Variants in CDK14 observed in about 807,000 individuals in gnomAD.
The protein encoded by CDK14 is cyclin-dependent kinase 14.
In CDK14, 34 loss-of-function variants were observed where a neutral mutation model predicts 60.7. The observed-to-expected ratio is 0.56, with a 90% CI of 0.43 to 0.75. The LOEUF (loss-of-function observed/expected upper bound fraction) is 0.75, where lower values mean the gene tolerates loss of function less well. CDK14 is among the 30% of genes least tolerant of loss of function. CDK14 has a pLI of 0.00. For synonymous variants in CDK14, 197 were observed against 203.7 expected, an observed-to-expected ratio of 0.97 and a Z score of 0.28; for missense variants, 482 against 564.1, an observed-to-expected ratio of 0.85 and a Z score of 1.47.
chr7:91,175,704 G>A (rs1801719538), intron 14 of CDK14, among the ~76,000 whole-genome samples: 1 of 150,252 alleles, frequency 6.7e-6, no homozygotes, highest in Non-Finnish European at 1.5e-5. Flanking sequence ...GATCAAAAGA[G>A]ACAAAGAAGG....
intron 8 of CDK14, among the ~76,000 whole-genome samples, chr7:90,948,539 C>G: frequency 6.6e-6 from 1 of 152,190 alleles, no homozygotes; most frequent in Non-Finnish European, 1.5e-5. Flanking sequence ...TAGTCTGTCC[C>G]AGGAGTCAGC....
chr7:91,118,408 T>C lies in CDK14; in HGVS notation c.*28+200T>C, dbSNP rs1396316753. 3.3e-5 allele frequency among the ~76,000 whole-genome samples: 5 copies of C among 152,310 alleles called. No individual in the cohort carries two copies. The East Asian group carries it at 9.7e-4, about 29-fold the overall frequency. On this transcript the variant is annotated intron_variant, in intron 14 of 14. Transcript: ENST00000380050. ...GGCACCTACTAGATTCTAACTAAAA[T>C]TATACTTATGCTTTTATTTATGTAG...
chr7:90,927,681 A>G (rs1272317727), intron 8 of CDK14, among the ~76,000 whole-genome samples: 3 of 152,140 alleles, frequency 2.0e-5, no homozygotes, highest in African/African-American at 4.8e-5. Flanking sequence ...GAATCTGACA[A>G]TTACGTGTCT....
rs554740961 is a variant in CDK14, at chr7:91,179,306, A to G, written c.*29-27859A>G. ...ACTCATAGGTGGGAATTGAACAATG[A>G]GATCACATGGACACAGGAAGGGGAA... On this transcript the variant is annotated intron_variant, in intron 14 of 14. Transcript: ENST00000380050. Among the ~76,000 whole-genome samples the G allele has an allele frequency of 5.2e-3, 712 of 137,300 alleles. 6 individuals carry two copies. Among genetic ancestry groups the G allele is most frequent in the Middle Eastern group, 0.019 (5 of 258 alleles). 90.1% of individuals were successfully genotyped at this position (137,300 alleles called of 152,430 possible). A position where few individuals can be genotyped will look rare whatever the true frequency, so the allele number is the denominator to read the frequency against.
intron 5 of CDK14, among the ~76,000 whole-genome samples, chr7:90,850,029 G>A (rs1790596080): frequency 1.3e-5 from 2 of 151,942 alleles, no homozygotes; most frequent in South Asian, 2.1e-4. Context: ...TTTAGTTATA[G>A]CATTAATATA....
chr7:90,740,710 C>T (rs1409129974), intron 3 of CDK14, among the ~76,000 whole-genome samples: 1 of 152,184 alleles, frequency 6.6e-6, no homozygotes, highest in Admixed American at 6.5e-5. Context: ...GCAATCCATA[C>T]ATATGTATAA....
At chr7:91,151,844 C>G (rs1167010457) in intron 14 of CDK14, among the ~76,000 whole-genome samples, 1 of 152,094 alleles carries the variant, frequency 6.6e-6, no homozygotes, top group African/African-American at 2.4e-5. Context: ...GTTTTGCCCA[C>G]CTATGATGTA....
At chr7:91,085,611 A>G (rs1798618308) in intron 12 of CDK14, among the ~76,000 whole-genome samples, 1 of 152,122 alleles carries the variant, frequency 6.6e-6, no homozygotes, top group South Asian at 2.1e-4. Flanking sequence ...GCTTATCAGA[A>G]GTGGGTACTA....
At chr7:91,057,905 A>C (rs1463176689) in intron 11 of CDK14, among the ~76,000 whole-genome samples, 1 of 152,074 alleles carries the variant, frequency 6.6e-6, no homozygotes, top group South Asian at 2.1e-4. Context: ...TTTTGGTTCC[A>C]TATGAACTTT....
At chr7:91,069,852 G>A (rs529466827) in intron 11 of CDK14, among the ~76,000 whole-genome samples, 4 of 151,996 alleles carry the variant, frequency 2.6e-5, no homozygotes, top group Non-Finnish European at 4.4e-5. Flanking sequence ...GCTGGAGTAC[G>A]GTGGCACAAT....
intron 2 of CDK14, among the ~76,000 whole-genome samples, chr7:90,609,878 G>C (rs1199567816): frequency 5.3e-5 from 8 of 152,308 alleles, no homozygotes; most frequent in Admixed American, 5.2e-4. Flanking sequence ...GGCTGTCTCA[G>C]TGTCCATATG....
At chr7:90,716,411 G>A (rs1021959153) in intron 2 of CDK14, 1 of 152,048 alleles carries the variant, frequency 6.6e-6, no homozygotes, top group African/African-American at 2.4e-5. Context: ...AGTAAGCAAA[G>A]CAAGATTCTG....
intron 11 of CDK14, among the ~76,000 whole-genome samples, chr7:91,065,062 A>G (rs968256414): frequency 6.6e-6 from 1 of 152,226 alleles, no homozygotes; most frequent in Non-Finnish European, 1.5e-5. Context: ...ATCACAAGCA[A>G]TAATGTTTAA....
intron 2 of CDK14, among the ~76,000 whole-genome samples, chr7:90,662,774 A>G (rs900789477): frequency 6.6e-6 from 1 of 152,210 alleles, no homozygotes; most frequent in Admixed American, 6.5e-5. Context: ...AAATATTTGT[A>G]GAAAGGTTTC....
At chr7:90,857,229 C>A (rs1451971998) in intron 5 of CDK14, among the ~76,000 whole-genome samples, 1 of 151,910 alleles carries the variant, frequency 6.6e-6, no homozygotes, top group East Asian at 1.9e-4. Context: ...GGATGAAATT[C>A]ATTTCTTCCA....
rs1220950782 is a variant in CDK14, at chr7:91,208,165, A to G, written c.*1029A>G. ...TTTAAAAAAAATACATTTTAAAAAA[A>G]CATTCCAAGCCAATTGGAAGACATC... On this transcript the variant is annotated 3_prime_UTR_variant, in exon 15 of 15. Coordinates refer to ENST00000380050, the MANE Select transcript of CDK14 (RefSeq NM_001287135.2). 6.5e-6 allele frequency: 1 copy of G among 152,674 alleles called. No homozygotes were observed. The highest frequency in any genetic ancestry group is 1.5e-5 in the Non-Finnish European group (1 of 68,052). 9.5% of individuals were successfully genotyped at this position (152,674 alleles called of 1,614,324 possible). A position where few individuals can be genotyped will look rare whatever the true frequency, so the allele number is the denominator to read the frequency against.
Position 91,087,220 on chromosome 7 carries a change from A to C in CDK14, c.1154+7740A>C, listed in dbSNP as rs1055079079. On this transcript the variant is annotated intron_variant, in intron 12 of 14. Transcript: ENST00000380050. ...GGGAGACTTTATAATACTGGGGCTC[A>C]ATTTCTATTCATTGTGAGGATAGAG... Among the ~76,000 whole-genome samples, 162 of 152,202 alleles carry C rather than the reference A, an allele frequency of 1.1e-3. 1 individual carries two copies. The highest frequency in any genetic ancestry group is 3.7e-3 in the African/African-American group (153 of 41,448).
chr7:90,922,767 T>C (rs1408682594), intron 8 of CDK14, among the ~76,000 whole-genome samples: 2 of 152,326 alleles, frequency 1.3e-5, no homozygotes, highest in East Asian at 3.8e-4. Context: ...ATCTTTTTGT[T>C]TTATGTTATC....
intron 2 of CDK14, among the ~76,000 whole-genome samples, chr7:90,676,841 C>T (rs1379620165): frequency 6.6e-6 from 1 of 152,034 alleles, no homozygotes; most frequent in Non-Finnish European, 1.5e-5. Flanking sequence ...CGGCTCAGTC[C>T]CAGATGTTTC....
Sources: allele counts gnomAD v4.1 joint callset (sites outside exome capture counted in the v4.1 genomes callset), GRCh38; gene constraint gnomAD v4.1.1; transcripts MANE v1.5; gene names NCBI Gene and HGNC (gene_info 2026-07-23, HGNC 2026-07-21).